Variants in MYO7B observed in about 807,000 individuals in gnomAD.
The protein encoded by MYO7B is myosin VIIB, also known as unconventional myosin-VIIb.
A neutral mutation model predicts 259.7 loss-of-function variants in MYO7B; 212 were observed. That is an observed-to-expected ratio of 0.82 (90% CI 0.73 to 0.91). MYO7B has a LOEUF of 0.91. Ranked by LOEUF, MYO7B falls within the 40% of genes least tolerant of loss-of-function variation. MYO7B has a pLI of 0.00. For missense variants in MYO7B, 2,732 were observed against 2,813.5 expected (o/e 0.97, Z 0.66); for synonymous variants, 1,197 against 1,166.4 (o/e 1.03, Z -0.54).
chr2:127,564,352 C>T, intron 3 of MYO7B, 86 bp downstream of exon 3: 1 of 1,119,124 alleles, frequency 8.9e-7, no homozygotes, highest in Non-Finnish European at 1.3e-6. Context: ...GAGCCTCTCC[C>T]CAACACCAGG....
rs540052683 is a variant in MYO7B at position 127,632,385 on chromosome 2, A to G, written c.5389A>G (p.Ile1797Val). Residue 1797 changes from isoleucine to valine, a missense_variant, in exon 39 of 48, where the codon ATC becomes GTC. Physicochemically the swap from Ile to Val is conservative, Grantham distance 29 (BLOSUM62 3). Coordinates refer to ENST00000409816, the MANE Select transcript of MYO7B (RefSeq NM_001393586.1). ...GCTGGCCCCCGACTGCAGCCGCCGAATCCAGAAGGTCCTGAGGTGAGCCCA... is the reference window on the plus strand; with the variant it reads ...GCTGGCCCCCGACTGCAGCCGCCGAGTCCAGAAGGTCCTGAGGTGAGCCCA... ...KLLAPDCSRRIQKVLRTGPRK... is the reference protein window; with the variant it reads ...KLLAPDCSRRVQKVLRTGPRK... The G allele has an allele frequency of 5.7e-6, 9 of 1,573,846 alleles. No homozygotes were observed. The South Asian group carries it at 9.4e-5, about 17-fold the overall frequency.
chr2:127,632,439 G>T (rs751015123), intron 39 of MYO7B, 38 bp downstream of exon 39: 16 of 1,500,378 alleles, frequency 1.1e-5, no homozygotes, highest in Non-Finnish European at 1.4e-5. Flanking sequence ...ATTGGCCCTG[G>T]GCCCGCAGAC....
chr2:127,607,460 T>G lies in MYO7B; in HGVS notation c.2643+36T>G, dbSNP rs1209527677. On this transcript the variant is annotated intron_variant, in intron 21 of 47. Transcript: ENST00000409816. The surrounding 1 kb of genome is among the most constrained non-coding windows in gnomAD (Gnocchi z 4.4). ...ACCTGGCCTCTTGGGCAGGTGGGGC[T>G]GGCTGGGGCCCCAGTGGGTGAGGGC... 7 of 1,540,264 alleles carry G rather than the reference T, an allele frequency of 4.5e-6. No homozygotes were observed. Among genetic ancestry groups the G allele is most frequent in the Non-Finnish European group, 4.4e-6 (5 of 1,139,418 alleles).
At chr2:127,553,580 G>A (rs1693532699) in intron 1 of MYO7B, among the ~76,000 whole-genome samples, 1 of 152,200 alleles carries the variant, frequency 6.6e-6, no homozygotes, top group Non-Finnish European at 1.5e-5. Flanking sequence ...GTGTATAGCA[G>A]AGCTACTGAT....
chr2:127,633,171 C>A, intron 39 of MYO7B, 87 bp from the exon 40 acceptor site: 3 of 1,029,574 alleles, frequency 2.9e-6, no homozygotes, highest in Non-Finnish European at 4.3e-6. Flanking sequence ...TTGTTTCTGG[C>A]ACATGGTTTA....
chr2:127,634,044 G>T (rs2105144791), intron 40 of MYO7B, 132 bp from the exon 41 acceptor site: 2 of 680,198 alleles, frequency 2.9e-6, no homozygotes, highest in Non-Finnish European at 5.1e-6. Flanking sequence ...AGGGAGGCTT[G>T]CCCTGCTCAG....
At position 127,630,863 on chromosome 2, in the gene MYO7B, A is replaced by G. The variant is rs769708962; in HGVS notation, c.4892A>G (p.Lys1631Arg). 9 of 1,610,380 alleles carry G rather than the reference A, an allele frequency of 5.6e-6. No homozygotes were observed. Among genetic ancestry groups the G allele is most frequent in the Non-Finnish European group, 7.6e-6 (9 of 1,178,514 alleles). ...GAGCCACGTCCTGAGGAGCCACCCAAGGAAAAGCTGCACACCCTGGAGGAG... is the reference window on the plus strand; with the variant it reads ...GAGCCACGTCCTGAGGAGCCACCCAGGGAAAAGCTGCACACCCTGGAGGAG... ...FTEPRPEEPP[K>R]EKLHTLEEFS... Residue 1631 changes from lysine to arginine, a missense_variant, in exon 36 of 48, where the codon AAG becomes AGG. This residue lies in a region of MYO7B where 821 missense variants were observed against 769.3 expected (regional missense o/e 1.07). Coordinates refer to ENST00000409816, the MANE Select transcript of MYO7B (RefSeq NM_001393586.1).
At chr2:127,549,160 C>G (rs764657778) in intron 1 of MYO7B, among the ~76,000 whole-genome samples, 16 of 16,694 alleles carry the variant, frequency 9.6e-4, no homozygotes, top group Non-Finnish European at 1.9e-3. Context: ...TCCTTCCTTC[C>G]TTCCTTTCTT....
intron 19 of MYO7B, among the ~76,000 whole-genome samples, chr2:127,598,131 G>T (rs1294698144): frequency 1.3e-5 from 2 of 152,176 alleles, no homozygotes; most frequent in African/African-American, 4.8e-5. Context: ...ATGCCCAGGA[G>T]TGCAGTTGCT....
chr2:127,609,425 C>A lies in MYO7B; in HGVS notation c.2815-81C>A. On this transcript the variant is annotated intron_variant, in intron 22 of 47. Coordinates refer to ENST00000409816, the MANE Select transcript of MYO7B (RefSeq NM_001393586.1). This position sits in a 1 kb window ranked among gnomAD's most constrained non-coding sequence, Gnocchi z 6.9. ...GGTAATGCAACAGCCCCCGTGCTGC[C>A]CGGCCTGCTGGACAGTCAGCTGATG... 1 of 1,339,224 alleles carries A rather than the reference C, an allele frequency of 7.5e-7. No homozygotes were observed. The highest frequency in any genetic ancestry group is 1.0e-6 in the Non-Finnish European group (1 of 959,266). 83.0% of individuals were successfully genotyped at this position (1,339,224 alleles called of 1,614,324 possible).
Position 127,584,780 on chromosome 2 carries a change from G to C in MYO7B, c.1557G>C (p.Gly519=). 1 of 1,613,842 alleles carries C rather than the reference G, an allele frequency of 6.2e-7. No individual in the cohort carries two copies. The highest frequency in any genetic ancestry group is 1.1e-5 in the South Asian group (1 of 91,068). ...LLDEESRFPQ[G]TDLTMLQKLN... ...ACAGGGTGTCTGGGTTCTTCCAGGGGACAGATCTCACCATGCTGCAAAAGC... is the reference window on the plus strand; with the variant it reads ...ACAGGGTGTCTGGGTTCTTCCAGGGCACAGATCTCACCATGCTGCAAAAGC... The change falls in exon 14 of 48, where the codon GGG becomes GGC. Residue 519 remains glycine (G), a splice_region_variant and synonymous_variant. Transcript: ENST00000409816. The surrounding 1 kb of genome is among the most constrained non-coding windows in gnomAD (Gnocchi z 5.8).
Position 127,559,836 on chromosome 2 carries a change from C to T in MYO7B, c.18+96C>T. ...AGGAAAGAGAGGAAAGGCAATGAGACCCTATAGGAAAATACCAGAGACAGG... is the reference window on the plus strand; with the variant it reads ...AGGAAAGAGAGGAAAGGCAATGAGATCCTATAGGAAAATACCAGAGACAGG... On this transcript the variant is annotated intron_variant, in intron 2 of 47. Coordinates refer to ENST00000409816, the MANE Select transcript of MYO7B (RefSeq NM_001393586.1). The surrounding 1 kb of genome is among the most constrained non-coding windows in gnomAD (Gnocchi z 4.1). 1 of 1,380,116 alleles carries T rather than the reference C, an allele frequency of 7.2e-7. No homozygotes were observed. Among genetic ancestry groups the T allele is most frequent in the South Asian group, 1.2e-5 (1 of 86,232 alleles). The allele number at this position is 1,380,116 out of a possible 1,614,324, so 85.5% of individuals were successfully genotyped here.
Position 127,597,326 on chromosome 2 carries a change from T to C in MYO7B, c.2339+770T>C, listed in dbSNP as rs528753207. Among the ~76,000 whole-genome samples the C allele has an allele frequency of 6.4e-4, 98 of 152,340 alleles. No individual in the cohort carries two copies. Among genetic ancestry groups the C allele is most frequent in the African/African-American group, 2.0e-3 (83 of 41,572 alleles). ...GAGATTACTGTAGATTTACATGCAG[T>C]TGTAAGAAACAATACAGAGATATTG... On this transcript the variant is annotated intron_variant, in intron 19 of 47. Coordinates refer to ENST00000409816, the MANE Select transcript of MYO7B (RefSeq NM_001393586.1). The surrounding 1 kb of genome is among the most constrained non-coding windows in gnomAD (Gnocchi z 4.8).
chr2:127,635,060 G>GCAGTGTGGGA, intron 42 of MYO7B, 60 bp from the exon 43 acceptor site: 2 of 1,392,666 alleles, frequency 1.4e-6, no homozygotes, highest in Non-Finnish European at 2.0e-6. Flanking sequence ...GGGTGGCAGG[G>GCAGTGTGGGA]GGTCAGGGCT....
At chr2:127,572,935 C>CAA (rs35705768) in intron 6 of MYO7B, among the ~76,000 whole-genome samples, 142 of 144,192 alleles carry the variant, frequency 9.8e-4, no homozygotes, top group South Asian at 1.9e-3. Flanking sequence ...CAGTTAGTAC[C>CAA]AAAAAAAAAA....
intron 15 of MYO7B, among the ~76,000 whole-genome samples, chr2:127,589,758 ATGGGTGGG>A (rs1309875962): frequency 1.5e-5 from 1 of 67,698 alleles, no homozygotes. Flanking sequence ...GGAAGGATGG[ATGGGTGGG>A]TGGGTGGGTG....
rs545009261 is a variant in MYO7B, at chr2:127,574,051, G to A, written c.724G>A (p.Val242Ile). The A allele has an allele frequency of 3.7e-6, 6 of 1,614,012 alleles. No individual in the cohort carries two copies. The African/African-American group carries it at 4.0e-5, about 11-fold the overall frequency. Reference sequence around the variant, plus strand: ...GCAATTTCTCCTGGAGAAGTCCCGGGTCTGCCGGCAGGTGAGGCCTCCCCC... The same window carrying A: ...GCAATTTCTCCTGGAGAAGTCCCGGATCTGCCGGCAGGTGAGGCCTCCCCC... ...IEQFLLEKSR[V>I]CRQAPEERNY... is the part of the protein sequence containing the mutation. The change falls in exon 7 of 48, where the codon GTC becomes ATC. Residue 242 changes from valine (V) to isoleucine (I), a missense_variant. Physicochemically the swap from Val to Ile is conservative, Grantham distance 29 (BLOSUM62 3). Around this residue, in one of 3 missense-constraint regions of MYO7B, gnomAD observed 1,906 missense variants for 2,026.4 expected, o/e 0.94. Transcript: ENST00000409816.
rs1488793379 is a variant in MYO7B, at chr2:127,636,526, C to T, written c.6124-19C>T. ...GGCCTCCCGGGCTGGACTATGACCG[C>T]CGTGTCCCTCCCTCCCAGCAAACCT... On this transcript the variant is annotated intron_variant, in intron 45 of 47. Transcript: ENST00000409816. The surrounding 1 kb of genome is among the most constrained non-coding windows in gnomAD (Gnocchi z 4.5). 2.5e-6 allele frequency: 4 copies of T among 1,602,882 alleles called. No individual in the cohort carries two copies. The highest frequency in any genetic ancestry group is 1.3e-5 in the African/African-American group (1 of 74,550).
intron 6 of MYO7B, among the ~76,000 whole-genome samples, 161 bp from the exon 7 acceptor site, chr2:127,573,757 CCT>C (rs1194767024): frequency 6.6e-6 from 1 of 152,212 alleles, no homozygotes; most frequent in Non-Finnish European, 1.5e-5. Context: ...TTTTTGTCTT[CCT>C]CTTAGCGGGC....
Sources: allele counts gnomAD v4.1 joint callset (sites outside exome capture counted in the v4.1 genomes callset), GRCh38; gene constraint gnomAD v4.1.1; regional missense constraint gnomAD v4.1.1; non-coding constraint Gnocchi (gnomAD v3.1); transcripts MANE v1.5; gene names NCBI Gene and HGNC (gene_info 2026-07-23, HGNC 2026-07-21).